Variants in PALM2AKAP2 observed in about 807,000 individuals in gnomAD.
PALM2AKAP2 encodes PALM2-AKAP2 fusion protein.
Under a neutral mutation model 71.5 loss-of-function variants are expected in PALM2AKAP2, and 37 were observed. The ratio of observed to expected loss-of-function variants is 0.52; its 90% confidence interval spans 0.40 to 0.68. The LOEUF is 0.68. Among genes scored for constraint, PALM2AKAP2 ranks in the 30% least tolerant of loss-of-function variants. The pLI is 0.00. For synonymous variants in PALM2AKAP2, 468 were observed against 478.8 expected (o/e 0.98, Z 0.29); for missense variants, 1,224 against 1,191.8 (o/e 1.03, Z -0.40).
chr9:110,123,448 C>G (rs1835532769), intron 1 of PALM2AKAP2, among the ~76,000 whole-genome samples: 1 of 152,204 alleles, frequency 6.6e-6, no homozygotes, highest in African/African-American at 2.4e-5. Context: ...GATTAGGGCC[C>G]ACCCTGGTGA....
chr9:110,029,816 CA>C (rs1307852398), intron 7 of PALM2AKAP2, among the ~76,000 whole-genome samples: 5 of 152,298 alleles, frequency 3.3e-5, no homozygotes, highest in Admixed American at 6.5e-5. Flanking sequence ...TTTGTCTCTC[CA>C]GTTAATGTCT....
chr9:110,023,305 C>CTTTTTTTT lies in PALM2AKAP2; in HGVS notation c.582+7285_582+7292dup, dbSNP rs149672913. 9.7e-3 allele frequency among the ~76,000 whole-genome samples: 719 copies of CTTTTTTTT among 74,030 alleles called. 75 individuals carry two copies. Among genetic ancestry groups the CTTTTTTTT allele is most frequent in the Non-Finnish European group, 0.011 (483 of 42,830 alleles). 48.6% of individuals were successfully genotyped at this position (74,030 alleles called of 152,430 possible). Reference sequence around the variant, plus strand: ...GTGAGATGGTATCTCATTGTGGTTTCTTTTTTTTTTTTTTTTTTTTTTTTT... The same window carrying CTTTTTTTT: ...GTGAGATGGTATCTCATTGTGGTTTCTTTTTTTTTTTTTTTTTTTTTTTTTTTTTTTTT... On this transcript the variant is annotated intron_variant, in intron 7 of 9. Transcript: ENST00000302798.
intron 1 of PALM2AKAP2, among the ~76,000 whole-genome samples, chr9:110,080,070 A>AG (rs1834414715): frequency 7.3e-5 from 1 of 13,694 alleles, no homozygotes; most frequent in African/African-American, 5.2e-4. Context: ...ACTCTGTCTC[A>AG]AAAAAAAAAA....
At chr9:109,822,402 G>C (rs1437415932) in intron 1 of PALM2AKAP2, among the ~76,000 whole-genome samples, 2 of 151,738 alleles carry the variant, frequency 1.3e-5, no homozygotes, top group Non-Finnish European at 2.9e-5. Flanking sequence ...AGGTTCAAGG[G>C]GTATATGTGT....
chr9:109,715,461 C>T (rs1828303209), intron 1 of PALM2AKAP2, among the ~76,000 whole-genome samples: 1 of 152,182 alleles, frequency 6.6e-6, no homozygotes, highest in Non-Finnish European at 1.5e-5. Flanking sequence ...ACGTTCCCTG[C>T]TTATCTCCGT....
At chr9:109,850,038 C>T (rs1167559540) in intron 1 of PALM2AKAP2, among the ~76,000 whole-genome samples, 2 of 152,080 alleles carry the variant, frequency 1.3e-5, no homozygotes, top group African/African-American at 2.4e-5. Flanking sequence ...TACAGAGAGA[C>T]CTATGGGTTT....
At chr9:110,114,074 A>G (rs1470283680) in intron 1 of PALM2AKAP2, among the ~76,000 whole-genome samples, 1 of 152,154 alleles carries the variant, frequency 6.6e-6, no homozygotes, top group African/African-American at 2.4e-5. Flanking sequence ...ACAAATTCTC[A>G]CAAATTACGT....
intron 1 of PALM2AKAP2, among the ~76,000 whole-genome samples, chr9:109,671,205 G>C (rs144757407): frequency 4.5e-4 from 69 of 152,148 alleles, no homozygotes; most frequent in African/African-American, 1.6e-3. Flanking sequence ...TGAACATATT[G>C]CCAGGTTGTC....
At chr9:110,056,095 G>A (rs550841381) in intron 1 of PALM2AKAP2, among the ~76,000 whole-genome samples, 15 of 152,290 alleles carry the variant, frequency 9.8e-5, no homozygotes, top group Non-Finnish European at 1.5e-4. Flanking sequence ...CCCTCTTCCC[G>A]CCCAACAGTT....
intron 1 of PALM2AKAP2, among the ~76,000 whole-genome samples, chr9:109,843,896 C>T (rs112811665): frequency 6.6e-6 from 1 of 152,180 alleles, no homozygotes; most frequent in South Asian, 2.1e-4. Flanking sequence ...TGTCACGGCT[C>T]ACATCCAACC....
At chr9:109,971,716 G>A (rs1379885273) in intron 6 of PALM2AKAP2, among the ~76,000 whole-genome samples, 2 of 152,100 alleles carry the variant, frequency 1.3e-5, no homozygotes, top group Admixed American at 6.5e-5. Context: ...GTGAGCCACC[G>A]CGCCCAGCCA....
chr9:110,031,819 A>G (rs190201586), intron 7 of PALM2AKAP2, among the ~76,000 whole-genome samples: 1 of 152,302 alleles, frequency 6.6e-6, no homozygotes, highest in East Asian at 1.9e-4. Flanking sequence ...GTCCTGATCA[A>G]TATGGAGGCT....
intron 1 of PALM2AKAP2, among the ~76,000 whole-genome samples, chr9:110,094,668 C>CGG (rs372383538): frequency 3.8e-4 from 2 of 5,240 alleles, no homozygotes. Flanking sequence ...CACCACGGGG[C>CGG]GGGGGGGCGG....
In PALM2AKAP2 at chr9:110,115,724, A is replaced by G. The variant is rs566584991; in HGVS notation, c.157-20403A>G. 1.0e-4 allele frequency among the ~76,000 whole-genome samples: 15 copies of G among 149,986 alleles called. No homozygotes were observed. The East Asian group carries it at 2.8e-3, about 28-fold the overall frequency. ...TCATGAGTTCCCAGAGTGGGTGGCAATTCACAGTGATGCTGATATCCACGA... is the reference window on the plus strand; with the variant it reads ...TCATGAGTTCCCAGAGTGGGTGGCAGTTCACAGTGATGCTGATATCCACGA... On this transcript the variant is annotated intron_variant, in intron 1 of 3. Transcript: ENST00000374525.
chr9:109,669,121 C>A (rs1016699746), intron 1 of PALM2AKAP2, among the ~76,000 whole-genome samples: 1 of 152,192 alleles, frequency 6.6e-6, no homozygotes, highest in African/African-American at 2.4e-5. Flanking sequence ...AGCTTAAACA[C>A]AGGTCTACAT....
intron 1 of PALM2AKAP2, among the ~76,000 whole-genome samples, chr9:110,134,052 C>T (rs543515022): frequency 6.6e-6 from 1 of 152,242 alleles, no homozygotes; most frequent in African/African-American, 2.4e-5. Context: ...TCTGGGAGGC[C>T]AAGGCTGGAC....
intron 6 of PALM2AKAP2, among the ~76,000 whole-genome samples, chr9:110,003,295 T>C (rs1045200120): frequency 2.0e-5 from 3 of 152,200 alleles, no homozygotes; most frequent in African/African-American, 7.2e-5. Flanking sequence ...ATGTACCCAG[T>C]AGTCATTCAG....
intron 3 of PALM2AKAP2, among the ~76,000 whole-genome samples, chr9:109,900,022 T>C (rs569525658): frequency 3.7e-4 from 57 of 152,168 alleles, no homozygotes; most frequent in Non-Finnish European, 6.8e-4. Context: ...ACTGCCAGGC[T>C]CAATGGGTTT....
chr9:109,889,148 A>C (rs562023722), intron 3 of PALM2AKAP2, among the ~76,000 whole-genome samples: 3 of 152,368 alleles, frequency 2.0e-5, no homozygotes, highest in African/African-American at 7.2e-5. Context: ...CTTGAAAATA[A>C]AAGGCTTCTC....
Sources: gnomAD v4.1 joint callset for allele counts (sites outside exome capture counted in the v4.1 genomes callset) on GRCh38, gnomAD v4.1.1 for gene constraint, MANE v1.5 for transcripts, NCBI Gene and HGNC (gene_info 2026-07-23, HGNC 2026-07-21) for gene names.